Variants in EFNA5 observed in about 807,000 individuals in gnomAD.
The protein encoded by EFNA5 is ephrin A5, also known as ephrin-A5.
A neutral mutation model predicts 22.9 loss-of-function variants in EFNA5; 5 were observed. The observed-to-expected ratio is 0.22, with a 90% CI of 0.11 to 0.46. The LOEUF is 0.46. Ranked by LOEUF, EFNA5 falls within the 20% of genes least tolerant of loss-of-function variation. The probability of loss-of-function intolerance (pLI) is 0.99; values close to 1 mark genes in which losing one functional copy is unlikely to be tolerated. For synonymous variants in EFNA5, 113 were observed against 112.2 expected (o/e 1.01, Z -0.04); for missense variants, 237 against 293.3 (o/e 0.81, Z 1.40).
intron 2 of EFNA5, among the ~76,000 whole-genome samples, chr5:107,389,937 G>C (rs571042465): frequency 6.6e-6 from 1 of 152,162 alleles, no homozygotes; most frequent in Non-Finnish European, 1.5e-5. Context: ...TTGTGATACT[G>C]TGACTATTAT....
intron 2 of EFNA5, among the ~76,000 whole-genome samples, chr5:107,421,454 T>C (rs1404465641): frequency 2.0e-5 from 3 of 152,216 alleles, no homozygotes. Context: ...GGATGGTGAA[T>C]ATTCAGGACA....
chr5:107,538,008 TG>T (rs1184952979), intron 1 of EFNA5, among the ~76,000 whole-genome samples: 1 of 152,036 alleles, frequency 6.6e-6, no homozygotes, highest in African/African-American at 2.4e-5. Context: ...ATTAGAATGG[TG>T]GGGAAGGCTA....
Position 107,656,306 on chromosome 5 carries a change from C to T in EFNA5, c.125+14183G>A, listed in dbSNP as rs188721793. Among the ~76,000 whole-genome samples the T allele has an allele frequency of 3.1e-3, 474 of 152,236 alleles. 4 individuals are homozygous for T. Among genetic ancestry groups the T allele is most frequent in the African/African-American group, 0.01 (417 of 41,542 alleles). On this transcript the variant is annotated intron_variant, in intron 1 of 4. Transcript: ENST00000333274. ...AAATCCCTTTCCCGGGAAGAAGGTC[C>T]TGGAAGACTTGCCTCTCAAGAGTCA...
chr5:107,608,045 GCA>G (rs1749758832), intron 1 of EFNA5, among the ~76,000 whole-genome samples: 3 of 152,148 alleles, frequency 2.0e-5, no homozygotes, highest in South Asian at 4.1e-4. Flanking sequence ...ACAACGTTCA[GCA>G]ACGTCAAAAC....
intron 1 of EFNA5, among the ~76,000 whole-genome samples, chr5:107,653,691 G>C (rs997627585): frequency 1.8e-4 from 28 of 152,142 alleles, no homozygotes; most frequent in Admixed American, 7.2e-4. Flanking sequence ...AATAAGAGAG[G>C]CTGTTCAACA....
At chr5:107,585,468 T>C (rs1580543618) in intron 1 of EFNA5, among the ~76,000 whole-genome samples, 1 of 152,228 alleles carries the variant, frequency 6.6e-6, no homozygotes, top group Non-Finnish European at 1.5e-5. Context: ...GAGGGAATGA[T>C]AGCTCAGTGA....
At chr5:107,569,594 T>TATATATATAG (rs1748752238) in intron 1 of EFNA5, among the ~76,000 whole-genome samples, 1 of 137,806 alleles carries the variant, frequency 7.3e-6, no homozygotes, top group African/African-American at 2.6e-5. Flanking sequence ...TATATATATA[T>TATATATATAG]ATTCCCAGCT....
At chr5:107,492,327 C>A (rs1161634700) in intron 1 of EFNA5, among the ~76,000 whole-genome samples, 2 of 152,100 alleles carry the variant, frequency 1.3e-5, no homozygotes, top group African/African-American at 4.8e-5. Flanking sequence ...TGCACCTGGA[C>A]ACTGTTAAGA....
intron 1 of EFNA5, among the ~76,000 whole-genome samples, chr5:107,511,783 A>G (rs1747374678): frequency 7.3e-6 from 1 of 137,288 alleles, no homozygotes; most frequent in Non-Finnish European, 1.5e-5. Flanking sequence ...CTATCAATGC[A>G]TACATATATT....
At chr5:107,560,473 C>T (rs1168146954) in intron 1 of EFNA5, among the ~76,000 whole-genome samples, 1 of 152,096 alleles carries the variant, frequency 6.6e-6, no homozygotes, top group Admixed American at 6.5e-5. Flanking sequence ...TAAAAAATAC[C>T]TTGTTATTCA....
chr5:107,380,725 G>A lies in EFNA5; in HGVS notation c.*530C>T, dbSNP rs537882004. On this transcript the variant is annotated 3_prime_UTR_variant, in exon 5 of 5. Transcript: ENST00000333274. ...CTCCTATAGGAAATGGTGTAATATC[G>A]TATCTATTCTTAATACCTCCCCTCC... 6 of 398,400 alleles carry A rather than the reference G, an allele frequency of 1.5e-5. No homozygotes were observed. The highest frequency in any genetic ancestry group is 1.3e-4 in the South Asian group (1 of 7,866). 24.7% of individuals were successfully genotyped at this position (398,400 alleles called of 1,614,324 possible).
intron 1 of EFNA5, among the ~76,000 whole-genome samples, chr5:107,557,142 C>T (rs1748438356): frequency 1.3e-5 from 2 of 152,144 alleles, no homozygotes; most frequent in Non-Finnish European, 2.9e-5. Flanking sequence ...TTATATGTCC[C>T]TTTTGAACTG....
intron 1 of EFNA5, among the ~76,000 whole-genome samples, chr5:107,452,481 C>T (rs1055935951): frequency 1.4e-4 from 22 of 152,064 alleles, no homozygotes; most frequent in Admixed American, 9.2e-4. Flanking sequence ...CTCAGCACTT[C>T]GGGAGGCTGA....
chr5:107,623,766 C>T (rs164693), intron 1 of EFNA5, among the ~76,000 whole-genome samples: 39,768 of 150,646 alleles, frequency 0.26, 5,806 homozygotes, highest in Non-Finnish European at 0.33. Flanking sequence ...GCAGAAAGAG[C>T]TTTTATGATC....
chr5:107,407,360 GA>G (rs1257294449), intron 2 of EFNA5, among the ~76,000 whole-genome samples: 3 of 152,168 alleles, frequency 2.0e-5, no homozygotes, highest in Admixed American at 2.0e-4. Context: ...AGACCAAGCG[GA>G]AAGCTAAAAT....
chr5:107,417,647 G>GT (rs1452473202), intron 2 of EFNA5, among the ~76,000 whole-genome samples: 1 of 152,184 alleles, frequency 6.6e-6, no homozygotes, highest in Non-Finnish European at 1.5e-5. Flanking sequence ...TAAATCTCAA[G>GT]TTTTGAGAAT....
At chr5:107,414,364 T>A (rs1317074420) in intron 2 of EFNA5, among the ~76,000 whole-genome samples, 4 of 152,210 alleles carry the variant, frequency 2.6e-5, no homozygotes, top group Non-Finnish European at 5.9e-5. Flanking sequence ...AAAGTGCTAA[T>A]CTTATAATTC....
At chr5:107,564,055 C>T (rs1018432788) in intron 1 of EFNA5, among the ~76,000 whole-genome samples, 31 of 152,122 alleles carry the variant, frequency 2.0e-4, no homozygotes, top group Admixed American at 7.2e-4. Flanking sequence ...ACAAGGATTA[C>T]GCCTGCTATT....
chr5:107,388,200 A>C (rs1747688398), intron 2 of EFNA5, among the ~76,000 whole-genome samples: 1 of 152,198 alleles, frequency 6.6e-6, no homozygotes, highest in East Asian at 1.9e-4. Context: ...GGCAAAAACC[A>C]ATAACAGAGA....
Sources: gnomAD v4.1 joint callset for allele counts (sites outside exome capture counted in the v4.1 genomes callset) on GRCh38, gnomAD v4.1.1 for gene constraint, MANE v1.5 for transcripts, NCBI Gene and HGNC (gene_info 2026-07-23, HGNC 2026-07-21) for gene names.